The following WIPI2 variants were observed in gnomAD, a reference collection of about 807,000 sequenced individuals.
The protein encoded by WIPI2 is WD repeat domain phosphoinositide-interacting protein 2.
Under a neutral mutation model 52.3 loss-of-function variants are expected in WIPI2, and 28 were observed. The ratio of observed to expected loss-of-function variants is 0.54; its 90% CI spans 0.40 to 0.73. WIPI2 has a LOEUF of 0.73. Among genes scored for constraint, WIPI2 ranks in the 30% least tolerant of loss-of-function variants. The probability of loss-of-function intolerance (pLI) is 0.00; values close to 1 mark genes in which losing one functional copy is unlikely to be tolerated. For missense variants in WIPI2, 506 were observed against 602.9 expected, an observed-to-expected ratio of 0.84 and a Z score of 1.68; for synonymous variants, 268 against 245.0, an observed-to-expected ratio of 1.09 and a Z score of -0.88.
chr7:5,227,993 T>G lies in WIPI2; in HGVS notation c.1014-111T>G. ...CGCCAGACACCTGCAGCTGCCCTTG[T>G]GCTCATCTTGCTGGGGTCTCTTTCC... On this transcript the variant is annotated intron_variant, in intron 10 of 12. Transcript: ENST00000288828. The surrounding 1 kb of genome is among the most constrained non-coding windows in gnomAD (Gnocchi z 8.1). 2.1e-6 allele frequency: 2 copies of G among 969,436 alleles called. No individual in the cohort carries two copies. 60.1% of individuals were successfully genotyped at this position (969,436 alleles called of 1,614,324 possible).
chr7:5,207,403 T>C (rs10259250), intron 3 of WIPI2, among the ~76,000 whole-genome samples: 5,016 of 152,296 alleles, frequency 0.033, 209 homozygotes, highest in African/African-American at 0.1. Flanking sequence ...TAGAACTTGA[T>C]ATGAATGGAG....
intron 3 of WIPI2, chr7:5,213,055 A>G (rs1214021305): frequency 2.0e-5 from 3 of 152,174 alleles, no homozygotes; most frequent in Non-Finnish European, 4.4e-5. Context: ...GCTGACAAAG[A>G]TTCCTGTGTC....
At chr7:5,213,090 A>T (rs1009583066) in intron 3 of WIPI2, 7 of 151,868 alleles carry the variant, frequency 4.6e-5, no homozygotes, top group African/African-American at 1.7e-4. Context: ...ATCCCTCCTG[A>T]TCGTGCCTTT....
At chr7:5,217,225 G>T in intron 6 of WIPI2, 38 bp downstream of exon 6, 2 of 1,609,832 alleles carry the variant, frequency 1.2e-6, no homozygotes, top group South Asian at 2.2e-5. Context: ...TCTCTAAAGT[G>T]TGGCTTTTTC....
Position 5,190,587 on chromosome 7 carries a change from G to C in WIPI2, c.74+94G>C, listed in dbSNP as rs1336735840. ...CGCTGCCAAGCTCGGCGGCGTCGCA[G>C]GCTCGGCCTCCCCGCGGGCCAAGGC... On this transcript the variant is annotated intron_variant, in intron 1 of 12. Transcript: ENST00000288828. 3 of 1,238,800 alleles carry C rather than the reference G, an allele frequency of 2.4e-6. No individual in the cohort carries two copies. In the African/African-American group the frequency reaches 4.8e-5, roughly 20 times the overall value. The allele number at this position is 1,238,800 out of a possible 1,614,324, so 76.7% of individuals were successfully genotyped here.
chr7:5,222,986 T>TG (rs917946626), intron 8 of WIPI2, among the ~76,000 whole-genome samples: 3 of 152,200 alleles, frequency 2.0e-5, no homozygotes, highest in Non-Finnish European at 4.4e-5. Context: ...GGCGACGTCA[T>TG]GGGTAGCACA....
intron 1 of WIPI2, chr7:5,190,948 C>T (rs1781453324): frequency 6.3e-6 from 1 of 157,802 alleles, no homozygotes; most frequent in Admixed American, 6.5e-5. Flanking sequence ...TTTTCATCGT[C>T]TTAAGACCCT....
Position 5,217,103 on chromosome 7 carries a change from G to C in WIPI2, c.492G>C (p.Leu164=). The C allele has an allele frequency of 1.2e-6, 2 of 1,613,312 alleles. No individual in the cohort carries two copies. Among genetic ancestry groups the C allele is most frequent in the Middle Eastern group, 1.7e-4 (1 of 6,056 alleles). ...TGTCATTTGCAGGCCTGTGTGCGCT[G>C]TCAATCAACAACGACAACTGCTACT... ...TPPNPAGLCA[L]SINNDNCYLA... is the part of the protein sequence containing the mutation. Residue 164 remains leucine, a synonymous_variant, in exon 6 of 13, where the codon CTG becomes CTC. Transcript: ENST00000288828.
intron 8 of WIPI2, 188 bp downstream of exon 8, chr7:5,222,860 C>A: frequency 1.7e-6 from 1 of 576,692 alleles, no homozygotes; most frequent in Non-Finnish European, 3.1e-6. Flanking sequence ...TTCAGAAAAG[C>A]AAATTGGGTT....
rs149997871 is a variant in WIPI2, at chr7:5,232,395, G to C, written c.*1448G>C. ...TTACGGCAAACTAAATGCAGGGGAC[G>C]CTGGAGTCCGACTCACCTACACCGG... is the stretch of plus-strand genomic sequence containing the variant. On this transcript the variant is annotated 3_prime_UTR_variant, in exon 13 of 13. Coordinates refer to ENST00000288828, the MANE Select transcript of WIPI2 (RefSeq NM_015610.4). The C allele has an allele frequency of 1.0e-5, 4 of 398,356 alleles. No homozygotes were observed. The highest frequency in any genetic ancestry group is 1.3e-4 in the South Asian group (1 of 7,590). The allele number at this position is 398,356 out of a possible 1,614,324, so 24.7% of individuals were successfully genotyped here. A position where few individuals can be genotyped will look rare whatever the true frequency, so the allele number is the denominator to read the frequency against.
intron 3 of WIPI2, among the ~76,000 whole-genome samples, chr7:5,210,603 A>G (rs1782509836): frequency 6.6e-6 from 1 of 152,244 alleles, no homozygotes; most frequent in South Asian, 2.1e-4. Flanking sequence ...CTACTGGTGT[A>G]GGATCTGCTG....
chr7:5,207,486 G>T (rs900061694), intron 3 of WIPI2, among the ~76,000 whole-genome samples: 3 of 151,982 alleles, frequency 2.0e-5, no homozygotes, highest in African/African-American at 7.3e-5. Flanking sequence ...TGTCTCATTT[G>T]CCCAGTATGT....
At position 5,217,099 on chromosome 7, in the gene WIPI2, C is replaced by T. The variant is rs759604469; in HGVS notation, c.488C>T (p.Ala163Val). The change falls in exon 6 of 13, where the codon GCG (alanine) becomes GTG (valine). Residue 163 changes from alanine (A) to valine (V), a missense_variant. Physicochemically the swap from Ala to Val is moderately conservative, Grantham distance 64 (BLOSUM62 0). Coordinates refer to ENST00000288828, the MANE Select transcript of WIPI2 (RefSeq NM_015610.4). ...CGTGTGTCATTTGCAGGCCTGTGTG[C>T]GCTGTCAATCAACAACGACAACTGC... ...ETPPNPAGLC[A>V]LSINNDNCYL... The T allele has an allele frequency of 2.2e-5, 35 of 1,612,604 alleles. No homozygotes were observed. Among genetic ancestry groups the T allele is most frequent in the Non-Finnish European group, 2.9e-5 (34 of 1,178,864 alleles).
At position 5,229,601 on chromosome 7, in the gene WIPI2, C is replaced by T. The variant is rs898936706; in HGVS notation, c.1122-7C>T. 1.2e-6 allele frequency: 2 copies of T among 1,612,142 alleles called. No homozygotes were observed. Among genetic ancestry groups the T allele is most frequent in the South Asian group, 1.1e-5 (1 of 90,668 alleles). On this transcript the variant is annotated splice_polypyrimidine_tract_variant and splice_region_variant and intron_variant, in intron 11 of 12. Coordinates refer to ENST00000288828, the MANE Select transcript of WIPI2 (RefSeq NM_015610.4). ...GACGCTGAGCTGTGTCGCTTTCTTC[C>T]CTCCAGGCTGGACGGCAGTCTGGAA... is the stretch of plus-strand genomic sequence containing the variant.
rs574392254 is a variant in WIPI2, at chr7:5,200,113, G to A, written c.211+455G>A. Among the ~76,000 whole-genome samples, 10 of 152,302 alleles carry A rather than the reference G, an allele frequency of 6.6e-5. No individual in the cohort carries two copies. The South Asian group carries it at 8.3e-4, about 13-fold the overall frequency. On this transcript the variant is annotated intron_variant, in intron 3 of 12. Transcript: ENST00000288828. ...CGCATGGAACAGCGGGAGGTCATGCGCTTTGGCCTCTTGCTCAGTCATGTT... is the reference window on the plus strand; with the variant it reads ...CGCATGGAACAGCGGGAGGTCATGCACTTTGGCCTCTTGCTCAGTCATGTT...
intron 7 of WIPI2, among the ~76,000 whole-genome samples, 170 bp from the exon 8 acceptor site, chr7:5,222,432 G>C (rs993363809): frequency 6.6e-6 from 1 of 152,198 alleles, no homozygotes; most frequent in Non-Finnish European, 1.5e-5. Flanking sequence ...GTGGCAAAAA[G>C]TGTGGAGATG....
intron 7 of WIPI2, among the ~76,000 whole-genome samples, chr7:5,221,949 T>TTG (rs1783153909): frequency 1.2e-5 from 1 of 83,012 alleles, no homozygotes. Flanking sequence ...ATCCAGGCTT[T>TTG]TATTTTTTTT....
At chr7:5,200,091 A>T (rs774394225) in intron 3 of WIPI2, among the ~76,000 whole-genome samples, 1 of 152,206 alleles carries the variant, frequency 6.6e-6, no homozygotes, top group Non-Finnish European at 1.5e-5. Flanking sequence ...GGAGAGGCGC[A>T]TGGAACAGCG....
At chr7:5,191,984 T>C (rs901452136) in intron 1 of WIPI2, among the ~76,000 whole-genome samples, 1 of 152,182 alleles carries the variant, frequency 6.6e-6, no homozygotes, top group Non-Finnish European at 1.5e-5. Context: ...TGGTTAATAG[T>C]GGAGCGGGGG....
Sources: allele counts gnomAD v4.1 joint callset (sites outside exome capture counted in the v4.1 genomes callset), GRCh38; gene constraint gnomAD v4.1.1; non-coding constraint Gnocchi (gnomAD v3.1); transcripts MANE v1.5; gene names NCBI Gene and HGNC (gene_info 2026-07-23, HGNC 2026-07-21).